ST3GAL6: variants seen among roughly 807,000 people sequenced by gnomAD.
The protein encoded by ST3GAL6 is ST3 beta-galactoside alpha-2,3-sialyltransferase 6.
A neutral mutation model predicts 40.5 loss-of-function variants in ST3GAL6; 31 were observed. The observed-to-expected ratio is 0.77, with a 90% CI of 0.58 to 1.03. The LOEUF (loss-of-function observed/expected upper bound fraction) is 1.03. Among genes scored for constraint, ST3GAL6 ranks in the 50% least tolerant of loss-of-function variants. The probability of loss-of-function intolerance (pLI) is 0.00; values close to 1 mark genes in which losing one functional copy is unlikely to be tolerated. For synonymous variants in ST3GAL6, 129 were observed against 136.9 expected, an observed-to-expected ratio of 0.94 and a Z score of 0.40; for missense variants, 357 against 393.2, an observed-to-expected ratio of 0.91 and a Z score of 0.78.
chr3:98,749,047 GT>G (rs1936777939), intron 1 of ST3GAL6, among the ~76,000 whole-genome samples: 1 of 152,124 alleles, frequency 6.6e-6, no homozygotes, highest in Non-Finnish European at 1.5e-5. Flanking sequence ...ACTGTAAACT[GT>G]TTTTCTTCTT....
At position 98,793,944 on chromosome 3, in the gene ST3GAL6, A is replaced by G. The variant is rs1417482128; in HGVS notation, c.*183A>G. On this transcript the variant is annotated 3_prime_UTR_variant, in exon 10 of 10. Transcript: ENST00000483910. The stretch of plus-strand genomic sequence containing the variant: ...GTATATTTAACTTATGAAAACCAAG[A>G]AATGTAAAGATAACAGGAAAATAAG... 1.3e-5 allele frequency: 5 copies of G among 390,300 alleles called. No homozygotes were observed. The highest frequency in any genetic ancestry group is 4.1e-5 in the African/African-American group (2 of 48,248). The allele number at this position is 390,300 out of a possible 1,614,324, so 24.2% of individuals were successfully genotyped here.
chr3:98,737,489 A>C (rs559998135), intron 1 of ST3GAL6, among the ~76,000 whole-genome samples: 1 of 152,226 alleles, frequency 6.6e-6, no homozygotes, highest in Admixed American at 6.5e-5. Flanking sequence ...GAGCACAGGA[A>C]TATCACAAAG....
chr3:98,739,470 C>T (rs1162891989), intron 1 of ST3GAL6, among the ~76,000 whole-genome samples: 1 of 152,082 alleles, frequency 6.6e-6, no homozygotes. Context: ...TATGAAATCA[C>T]CTTTCCCATA....
chr3:98,783,059 C>A (rs1482234222), intron 5 of ST3GAL6: 1 of 242,044 alleles, frequency 4.1e-6, no homozygotes, highest in Non-Finnish European at 8.2e-6. Context: ...GTTACGTGTG[C>A]ACTGATTGTG....
At chr3:98,781,183 A>G (rs899061522) in intron 5 of ST3GAL6, among the ~76,000 whole-genome samples, 3 of 152,208 alleles carry the variant, frequency 2.0e-5, no homozygotes, top group African/African-American at 7.2e-5. Flanking sequence ...TTGCAGGGAC[A>G]TGGATGAAGC....
At chr3:98,788,501 C>T (rs1159893041) in intron 8 of ST3GAL6, 38 bp downstream of exon 8, 3 of 1,562,198 alleles carry the variant, frequency 1.9e-6, no homozygotes, top group East Asian at 2.3e-5. Context: ...AACTACAGAT[C>T]TGGCTGAGGT....
At chr3:98,753,703 G>A (rs921180517) in intron 1 of ST3GAL6, among the ~76,000 whole-genome samples, 6 of 152,178 alleles carry the variant, frequency 3.9e-5, no homozygotes, top group African/African-American at 9.6e-5. Flanking sequence ...GGTAGCTTAC[G>A]CCTGTAATCC....
intron 1 of ST3GAL6, among the ~76,000 whole-genome samples, chr3:98,749,961 G>A (rs1371637455): frequency 1.3e-5 from 2 of 152,164 alleles, no homozygotes; most frequent in Non-Finnish European, 2.9e-5. Flanking sequence ...GTGGTTGGGA[G>A]GTGAAATTCC....
chr3:98,738,120 C>CA (rs1935722865), intron 1 of ST3GAL6, among the ~76,000 whole-genome samples: 1 of 133,312 alleles, frequency 7.5e-6, no homozygotes, highest in Non-Finnish European at 1.6e-5. Context: ...CCTCCTACTC[C>CA]AATTATGTAA....
At chr3:98,768,747 A>G (rs1243958660) in intron 2 of ST3GAL6, among the ~76,000 whole-genome samples, 1 of 152,178 alleles carries the variant, frequency 6.6e-6, no homozygotes, top group Non-Finnish European at 1.5e-5. Flanking sequence ...TTGACTTCCC[A>G]GGGAAGCCAT....
At chr3:98,763,925 C>T (rs943611745) in intron 1 of ST3GAL6, among the ~76,000 whole-genome samples, 1 of 152,042 alleles carries the variant, frequency 6.6e-6, no homozygotes, top group Admixed American at 6.6e-5. Context: ...AGCTGCTAGT[C>T]GAGGGCTCCT....
chr3:98,746,047 G>A (rs2107310382), intron 1 of ST3GAL6, among the ~76,000 whole-genome samples: 1 of 152,286 alleles, frequency 6.6e-6, no homozygotes, highest in East Asian at 1.9e-4. Flanking sequence ...ATAGATGGAT[G>A]AGATAGGTTG....
chr3:98,783,493 C>A, intron 5 of ST3GAL6: 1 of 901,668 alleles, frequency 1.1e-6, no homozygotes, highest in Non-Finnish European at 1.3e-6. Context: ...TGCAAATGGA[C>A]ATCAGCCACA....
intron 1 of ST3GAL6, among the ~76,000 whole-genome samples, chr3:98,745,248 G>A (rs1193952452): frequency 1.3e-5 from 2 of 152,090 alleles, no homozygotes; most frequent in Admixed American, 6.5e-5. Context: ...TGGTCAGGTT[G>A]GTCTCAAACT....
At chr3:98,733,244 G>C in intron 1 of ST3GAL6, 1 of 978,276 alleles carries the variant, frequency 1.0e-6, no homozygotes, top group Non-Finnish European at 1.2e-6. Context: ...GTGCGCCGCA[G>C]CCACCGCCGA....
intron 1 of ST3GAL6, among the ~76,000 whole-genome samples, chr3:98,755,202 G>A (rs1937329126): frequency 6.6e-6 from 1 of 151,984 alleles, no homozygotes; most frequent in African/African-American, 2.4e-5. Context: ...GCCTGCCACC[G>A]CGCCTGACTG....
chr3:98,751,942 G>T (rs149562406), intron 1 of ST3GAL6, among the ~76,000 whole-genome samples: 56 of 152,152 alleles, frequency 3.7e-4, no homozygotes, highest in African/African-American at 1.3e-3. Flanking sequence ...CTGTTTAAGG[G>T]CATTAGAGTT....
Position 98,788,130 on chromosome 3 carries a change from A to G in ST3GAL6, c.526A>G (p.Ile176Val). Residue 176 changes from isoleucine (I) to valine (V), a missense_variant, in exon 7 of 10, where the codon ATT becomes GTT. Transcript: ENST00000483910. Reference protein sequence around the residue: ...FYPESVFSDPIHNDPNTTVIL... With the variant: ...FYPESVFSDPVHNDPNTTVIL... ...TCCAGAATCTGTTTTTTCAGATCCT[A>G]TTCACAATGACCCTAATACGACAGT... 1.2e-6 allele frequency: 2 copies of G among 1,614,092 alleles called. No individual in the cohort carries two copies. The highest frequency in any genetic ancestry group is 1.7e-5 in the Admixed American group (1 of 59,996).
chr3:98,756,901 T>C (rs1438596088), intron 1 of ST3GAL6, among the ~76,000 whole-genome samples: 1 of 152,236 alleles, frequency 6.6e-6, no homozygotes, highest in Non-Finnish European at 1.5e-5. Context: ...GAAATTCTAC[T>C]GTTAACCAGC....
Sources: gnomAD v4.1 joint callset for allele counts (sites outside exome capture counted in the v4.1 genomes callset) on GRCh38, gnomAD v4.1.1 for gene constraint, MANE v1.5 for transcripts, NCBI Gene and HGNC (gene_info 2026-07-23, HGNC 2026-07-21) for gene names.